Variants in GRM5 observed in about 807,000 individuals in gnomAD.
GRM5 encodes metabotropic glutamate receptor 5.
GRM5 carries 19 observed loss-of-function variants against 83.1 expected under a neutral mutation model. That is an observed-to-expected ratio of 0.23 (90% CI 0.16 to 0.34). The LOEUF is 0.34. Ranked by LOEUF, GRM5 falls within the 10% of genes least tolerant of loss-of-function variation. GRM5 has a pLI of 1.00. For synonymous variants in GRM5, 675 were observed against 633.6 expected (o/e 1.07, Z -0.98); for missense variants, 1,160 against 1,588.3 (o/e 0.73, Z 4.58).
intron 4 of GRM5, among the ~76,000 whole-genome samples, chr11:88,624,611 G>A (rs1448247256): frequency 6.6e-6 from 1 of 152,194 alleles, no homozygotes; most frequent in Non-Finnish European, 1.5e-5. Context: ...GAGCCCAGCA[G>A]TTTGAGGTTG....
chr11:89,005,160 G>A (rs1940490941), intron 2 of GRM5, among the ~76,000 whole-genome samples: 1 of 152,138 alleles, frequency 6.6e-6, no homozygotes, highest in African/African-American at 2.4e-5. Flanking sequence ...GTAAGATTCT[G>A]CAACTGGTTT....
intron 1 of GRM5, among the ~76,000 whole-genome samples, chr11:89,053,084 C>G (rs539864249): frequency 6.6e-6 from 1 of 152,034 alleles, no homozygotes; most frequent in African/African-American, 2.4e-5. Flanking sequence ...GAAGGGCCAC[C>G]CAGACACAAT....
intron 7 of GRM5, among the ~76,000 whole-genome samples, chr11:88,584,300 T>G (rs1485834667): frequency 6.6e-6 from 1 of 152,052 alleles, no homozygotes; most frequent in Non-Finnish European, 1.5e-5. Context: ...CTTCTCTTAC[T>G]AGATGATACT....
chr11:88,603,433 G>C (rs998643312), intron 5 of GRM5, among the ~76,000 whole-genome samples: 1 of 152,192 alleles, frequency 6.6e-6, no homozygotes, highest in African/African-American at 2.4e-5. Context: ...GCCTTGACCT[G>C]AGCCTAAAGA....
At chr11:88,894,808 G>T (rs1945205145) in intron 2 of GRM5, among the ~76,000 whole-genome samples, 1 of 151,914 alleles carries the variant, frequency 6.6e-6, no homozygotes, top group Middle Eastern at 3.2e-3. Flanking sequence ...CATAAAAACA[G>T]AAATGAAAGA....
intron 3 of GRM5, among the ~76,000 whole-genome samples, chr11:88,772,680 A>G (rs976820026): frequency 6.6e-6 from 1 of 151,982 alleles, no homozygotes; most frequent in Non-Finnish European, 1.5e-5. Context: ...ATTCCCACCT[A>G]TGAGTGAGAA....
At chr11:88,708,389 C>T (rs1046415317) in intron 3 of GRM5, among the ~76,000 whole-genome samples, 1 of 151,974 alleles carries the variant, frequency 6.6e-6, no homozygotes, top group Non-Finnish European at 1.5e-5. Context: ...TCATAAATCT[C>T]TTGTAGACAT....
intron 8 of GRM5, among the ~76,000 whole-genome samples, chr11:88,565,080 T>A (rs897729925): frequency 6.6e-6 from 1 of 151,052 alleles, no homozygotes; most frequent in Non-Finnish European, 1.5e-5. Flanking sequence ...ACTTATTCAG[T>A]CATCACAACC....
intron 3 of GRM5, among the ~76,000 whole-genome samples, chr11:88,745,176 A>AT (rs969785948): frequency 3.7e-5 from 5 of 133,632 alleles, no homozygotes; most frequent in South Asian, 2.5e-4. Flanking sequence ...ACTTCTCCTA[A>AT]TTTTTTTTTC....
intron 2 of GRM5, among the ~76,000 whole-genome samples, chr11:88,969,268 G>T (rs144263282): frequency 0.022 from 3,351 of 151,820 alleles, 131 homozygotes; most frequent in African/African-American, 0.077. Context: ...ATATTTACTT[G>T]CTGGAAAAAT....
intron 2 of GRM5, among the ~76,000 whole-genome samples, chr11:88,854,651 G>T (rs1944441154): frequency 6.6e-6 from 1 of 151,958 alleles, no homozygotes; most frequent in Non-Finnish European, 1.5e-5. Context: ...CAGGAAGGGA[G>T]TAAGGGTTGA....
At chr11:88,653,520 G>A (rs766828584) in intron 3 of GRM5, 117 bp from the exon 4 acceptor site, 10 of 640,016 alleles carry the variant, frequency 1.6e-5, no homozygotes, top group Non-Finnish European at 2.2e-5. Context: ...CCCCATGATG[G>A]TCCTATATTA....
At chr11:88,873,136 G>C (rs1335435982) in intron 2 of GRM5, among the ~76,000 whole-genome samples, 1 of 151,646 alleles carries the variant, frequency 6.6e-6, no homozygotes, top group Non-Finnish European at 1.5e-5. Context: ...AATGATAAAA[G>C]AGTCAATAGA....
chr11:88,527,845 A>G (rs185411479), intron 8 of GRM5, among the ~76,000 whole-genome samples: 2 of 152,264 alleles, frequency 1.3e-5, no homozygotes, highest in Non-Finnish European at 2.9e-5. Context: ...ACAGAAAACC[A>G]AGTACTTCAT....
At chr11:88,952,489 T>A (rs976298926) in intron 2 of GRM5, among the ~76,000 whole-genome samples, 7 of 152,144 alleles carry the variant, frequency 4.6e-5, no homozygotes, top group Non-Finnish European at 1.0e-4. Context: ...ATGCATTCAA[T>A]GAGTATTGGT....
intron 4 of GRM5, among the ~76,000 whole-genome samples, chr11:88,652,905 C>T (rs987549475): frequency 6.6e-6 from 1 of 152,064 alleles, no homozygotes; most frequent in African/African-American, 2.4e-5. Context: ...GTTTTTAGCA[C>T]AATGCCTTAT....
intron 2 of GRM5, among the ~76,000 whole-genome samples, chr11:88,864,396 AAGGTGT>A (rs1369950757): frequency 6.6e-6 from 1 of 151,918 alleles, no homozygotes; most frequent in Non-Finnish European, 1.5e-5. Flanking sequence ...AAAATGAACA[AAGGTGT>A]ATTCTTAGGT....
At chr11:88,666,641 G>C (rs1045850483) in intron 3 of GRM5, among the ~76,000 whole-genome samples, 41 of 152,276 alleles carry the variant, frequency 2.7e-4, no homozygotes, top group African/African-American at 9.1e-4. Context: ...TAACCACTTT[G>C]AGTTTTTATT....
intron 3 of GRM5, among the ~76,000 whole-genome samples, chr11:88,678,122 A>G (rs1457077328): frequency 1.3e-5 from 2 of 151,508 alleles, no homozygotes; most frequent in African/African-American, 2.4e-5. Flanking sequence ...ACAGTAGCAT[A>G]ATCATAGCTC....
Sources: allele counts gnomAD v4.1 joint callset (sites outside exome capture counted in the v4.1 genomes callset), GRCh38; gene constraint gnomAD v4.1.1; transcripts MANE v1.5; gene names NCBI Gene and HGNC (gene_info 2026-07-23, HGNC 2026-07-21).